The following MYORG variants were observed in gnomAD, a reference collection of about 807,000 sequenced individuals.
The protein encoded by MYORG is alpha-galactosidase MYORG.
A neutral mutation model predicts 49.8 loss-of-function variants in MYORG; 45 were observed. The observed-to-expected ratio is 0.90, with a 90% CI of 0.71 to 1.16. The LOEUF (loss-of-function observed/expected upper bound fraction) is 1.16, where lower values mean the gene tolerates loss of function less well. Among genes scored for constraint, MYORG ranks in the 50% most tolerant of loss-of-function variants. The pLI, the probability that MYORG is intolerant of heterozygous loss-of-function variation, is 0.00. For synonymous variants in MYORG, 552 were observed against 462.9 expected, an observed-to-expected ratio of 1.19 and a Z score of -2.47; for missense variants, 1,110 against 1,026.5, an observed-to-expected ratio of 1.08 and a Z score of -1.11.
chr9:34,371,111 C>T lies in MYORG; in HGVS notation c.1833G>A (p.Arg611=), dbSNP rs752324794. ...VAIAQKFAAL[R]ASLVAPLLLE... is the part of the protein sequence containing the mutation. ...GCAACAGCGGTGCCACAAGCGAGGCCCGCAGGGCGGCGAACTTCTGCGCGA... is the reference window on the plus strand; with the variant it reads ...GCAACAGCGGTGCCACAAGCGAGGCTCGCAGGGCGGCGAACTTCTGCGCGA... The change falls in exon 2 of 2, where the codon CGG becomes CGA. Residue 611 remains arginine (R), a synonymous_variant. Transcript: ENST00000297625. 3.1e-6 allele frequency: 5 copies of T among 1,608,114 alleles called. No homozygotes were observed. Among genetic ancestry groups the T allele is most frequent in the Non-Finnish European group, 4.3e-6 (5 of 1,176,120 alleles).
Position 34,371,086 on chromosome 9 carries a change from G to A in MYORG, c.1858C>T (p.Leu620Phe), listed in dbSNP as rs531813568. The change falls in exon 2 of 2, where the codon CTT (leucine) becomes TTT (phenylalanine). Residue 620 changes from leucine (L) to phenylalanine (F), a missense_variant. Leu to Phe is a conservative substitution (Grantham distance 22). Coordinates refer to ENST00000297625, the MANE Select transcript of MYORG (RefSeq NM_020702.5). ...TCGGTGACCTCGCCCGCCAGCTCAA[G>A]CAACAGCGGTGCCACAAGCGAGGCC... ...LRASLVAPLLLELAGEVTDTG... is the reference protein window; with the variant it reads ...LRASLVAPLLFELAGEVTDTG... The A allele has an allele frequency of 1.6e-5, 26 of 1,609,932 alleles. No individual in the cohort carries two copies. In the East Asian group the frequency reaches 4.0e-4, roughly 25 times the overall value.
intron 1 of MYORG, among the ~76,000 whole-genome samples, chr9:34,373,862 GC>G (rs1199201460): frequency 6.6e-6 from 1 of 152,216 alleles, no homozygotes; most frequent in African/African-American, 2.4e-5. Context: ...TGAGTCAAAA[GC>G]CTGATGAAGT....
In MYORG at chr9:34,371,929, G is replaced by C; in HGVS notation, c.1015C>G (p.Gln339Glu). 7 of 1,614,062 alleles carry C rather than the reference G, an allele frequency of 4.3e-6. No homozygotes were observed. The highest frequency in any genetic ancestry group is 5.9e-6 in the Non-Finnish European group (7 of 1,179,890). Residue 339 changes from glutamine to glutamate, a missense_variant, in exon 2 of 2, where the codon CAG becomes GAG. By Grantham distance (29) the Gln-to-Glu change is conservative. Coordinates refer to ENST00000297625, the MANE Select transcript of MYORG (RefSeq NM_020702.5). ...CTGTTGAAGTGGTGCAGGCGGATCTGTTGGGCAAAACGCAGCACCTTGTCC... is the reference window on the plus strand; with the variant it reads ...CTGTTGAAGTGGTGCAGGCGGATCTCTTGGGCAAAACGCAGCACCTTGTCC... ...DQDKVLRFAQ[Q>E]IRLHHFNSSH...
rs1317177106 is a variant in MYORG at position 34,371,385 on chromosome 9, T to A, written c.1559A>T (p.Asp520Val). ...QNISCFFRLV[D>V]RDSVWGYDLG... ...GTCGTAGCCCCACACAGAGTCGCGA[T>A]CCACCAGGCGGAAGAAGCAGGAGAT... Residue 520 changes from aspartate (D) to valine (V), a missense_variant, in exon 2 of 2, where the codon GAT (aspartate) becomes GTT (valine). Transcript: ENST00000297625. 2 of 1,613,100 alleles carry A rather than the reference T, an allele frequency of 1.2e-6. No individual in the cohort carries two copies. The highest frequency in any genetic ancestry group is 1.7e-6 in the Non-Finnish European group (2 of 1,179,774).
chr9:34,375,514 A>G (rs1157173672), intron 1 of MYORG, among the ~76,000 whole-genome samples: 2 of 152,232 alleles, frequency 1.3e-5, no homozygotes, highest in Non-Finnish European at 2.9e-5. Context: ...AGCTGAGCAG[A>G]ACCCAAAGAA....
In MYORG at chr9:34,371,626, C is replaced by T; in HGVS notation, c.1318G>A (p.Ala440Thr). Residue 440 changes from alanine (A) to threonine (T), a missense_variant, in exon 2 of 2, where the codon GCC becomes ACC. Physicochemically the swap from Ala to Thr is moderately conservative, Grantham distance 58 (BLOSUM62 0). Coordinates refer to ENST00000297625, the MANE Select transcript of MYORG (RefSeq NM_020702.5). The stretch of plus-strand genomic sequence containing the variant: ...AGGTGTCCCTGGAACCAGTCGCGGG[C>T]CTTTGGGTGCGTGAAGTCTAGCACC... ...GAVLDFTHPK[A>T]RDWFQGHLRR... 6.2e-7 allele frequency: 1 copy of T among 1,605,634 alleles called. No homozygotes were observed. The highest frequency in any genetic ancestry group is 8.5e-7 in the Non-Finnish European group (1 of 1,177,514).
Position 34,371,635 on chromosome 9 carries a change from G to C in MYORG, c.1309C>G (p.His437Asp). 1 of 1,606,210 alleles carries C rather than the reference G, an allele frequency of 6.2e-7. No individual in the cohort carries two copies. The change falls in exon 2 of 2, where the codon CAC becomes GAC. Residue 437 changes from histidine to aspartate, a missense_variant. Physicochemically the swap from His to Asp is moderately conservative, Grantham distance 81 (BLOSUM62 -1). Coordinates refer to ENST00000297625, the MANE Select transcript of MYORG (RefSeq NM_020702.5). ...NGIGAVLDFT[H>D]PKARDWFQGH... ...TGGAACCAGTCGCGGGCCTTTGGGTGCGTGAAGTCTAGCACCGCGCCGATG... is the reference window on the plus strand; with the variant it reads ...TGGAACCAGTCGCGGGCCTTTGGGTCCGTGAAGTCTAGCACCGCGCCGATG...
intron 1 of MYORG, among the ~76,000 whole-genome samples, chr9:34,375,645 G>A (rs907373993): frequency 1.2e-4 from 19 of 152,208 alleles, no homozygotes; most frequent in Non-Finnish European, 2.9e-5. Flanking sequence ...AGAGGAGAGA[G>A]ACTTCCTCAT....
chr9:34,371,873 T>C lies in MYORG; in HGVS notation c.1071A>G (p.Thr357=), dbSNP rs1264557260. 5.0e-6 allele frequency: 8 copies of C among 1,614,050 alleles called. No homozygotes were observed. The highest frequency in any genetic ancestry group is 1.7e-4 in the Middle Eastern group (1 of 6,060). Residue 357 remains threonine, a synonymous_variant, in exon 2 of 2, where the codon ACA becomes ACG. Transcript: ENST00000297625. The part of the protein sequence containing the change: ...SSHLEIDDMY[T]PAYGDFDFDE... ...CGAAGTCGAAGTCGCCATAAGCAGG[T>C]GTGTACATGTCGTCGATTTCCAGGT...
In MYORG at chr9:34,369,863, G is replaced by C. The variant is rs898036924; in HGVS notation, c.*936C>G. On this transcript the variant is annotated 3_prime_UTR_variant, in exon 2 of 2. Transcript: ENST00000297625. ...CTTGAAAGGGCTATTTATTTCCTAC[G>C]AGAGTCCTGGGGAAACCGCCTGGGA... 2.6e-5 allele frequency: 4 copies of C among 152,188 alleles called. No individual in the cohort carries two copies. The highest frequency in any genetic ancestry group is 7.2e-5 in the African/African-American group (3 of 41,424). 9.4% of individuals were successfully genotyped at this position (152,188 alleles called of 1,614,324 possible).
At chr9:34,373,701 C>T (rs547473557) in intron 1 of MYORG, among the ~76,000 whole-genome samples, 82 of 152,352 alleles carry the variant, frequency 5.4e-4, no homozygotes, top group African/African-American at 1.9e-3. Context: ...GATCCACCTG[C>T]CTCAGCCTCC....
rs999423389 is a variant in MYORG, at chr9:34,368,180, G to A, written c.*2619C>T. On this transcript the variant is annotated 3_prime_UTR_variant, in exon 2 of 2. Coordinates refer to ENST00000297625, the MANE Select transcript of MYORG (RefSeq NM_020702.5). ...CAAGTCCCTGGGCTGCACACAGCAA[G>A]GGGACCTTGGGCCTGGCCCACAAAA... is the stretch of plus-strand genomic sequence containing the variant. 3 of 152,290 alleles carry A rather than the reference G, an allele frequency of 2.0e-5. No homozygotes were observed. The highest frequency in any genetic ancestry group is 4.8e-5 in the African/African-American group (2 of 41,474). 9.4% of individuals were successfully genotyped at this position (152,290 alleles called of 1,614,324 possible). A position where few individuals can be genotyped will look rare whatever the true frequency, so the allele number is the denominator to read the frequency against.
chr9:34,370,850 G>C lies in MYORG; in HGVS notation c.2094C>G (p.Thr698=). Residue 698 remains threonine (T), a synonymous_variant, in exon 2 of 2, where the codon ACC becomes ACG. Coordinates refer to ENST00000297625, the MANE Select transcript of MYORG (RefSeq NM_020702.5). ...ELFDKTPVLL[T]DYPVDLDEIA... is the part of the protein sequence containing the mutation. The stretch of plus-strand genomic sequence containing the variant: ...TCTCATCCAGGTCGACCGGGTAATC[G>C]GTGAGCAGCACCGGCGTCTTGTCGA... 2.5e-6 allele frequency: 4 copies of C among 1,602,000 alleles called. No homozygotes were observed. Among genetic ancestry groups the C allele is most frequent in the Non-Finnish European group, 3.4e-6 (4 of 1,170,236 alleles).
chr9:34,372,686 C>A lies in MYORG; in HGVS notation c.258G>T (p.Glu86Asp). 1 of 1,610,466 alleles carries A rather than the reference C, an allele frequency of 6.2e-7. No individual in the cohort carries two copies. Among genetic ancestry groups the A allele is most frequent in the Non-Finnish European group, 8.5e-7 (1 of 1,178,466 alleles). ...GGTCCAGCAGCTCCGCGCGAAGTCG[C>A]TCCGCCTTGCGTAGGGAGACGCTGT... The part of the protein sequence containing the change: ...CYYSVSLRKA[E>D]RLRAELLDLK... Residue 86 changes from glutamate to aspartate, a missense_variant, in exon 2 of 2, where the codon GAG (glutamate) becomes GAT (aspartate). By Grantham distance (45) the Glu-to-Asp change is conservative. Transcript: ENST00000297625.
Position 34,372,876 on chromosome 9 carries a change from T to A in MYORG, c.68A>T (p.Tyr23Phe), listed in dbSNP as rs1447694883. Residue 23 changes from tyrosine to phenylalanine, a missense_variant, in exon 2 of 2, where the codon TAC becomes TTC. By Grantham distance (22) the Tyr-to-Phe change is conservative (BLOSUM62 3). Transcript: ENST00000297625. ...PRRRRPGCYA[Y>F]RQNPEAIAAA... Reference sequence around the variant, plus strand: ...TGCGATGGCCTCGGGGTTCTGACGGTATGCGTAGCAGCCAGGCCGGCGGCG... The same window carrying A: ...TGCGATGGCCTCGGGGTTCTGACGGAATGCGTAGCAGCCAGGCCGGCGGCG... 3.7e-6 allele frequency: 6 copies of A among 1,613,816 alleles called. No individual in the cohort carries two copies. In the African/African-American group the frequency reaches 8.0e-5, roughly 22 times the overall value.
rs1022374437 is a variant in MYORG, at chr9:34,376,604, G to C, written c.-64+189C>G. Among the ~76,000 whole-genome samples, 22 of 152,282 alleles carry C rather than the reference G, an allele frequency of 1.4e-4. No individual in the cohort carries two copies. The highest frequency in any genetic ancestry group is 5.3e-4 in the African/African-American group (22 of 41,572). The stretch of plus-strand genomic sequence containing the variant: ...ACTCCACAGCCGCCCTCCCTACCCC[G>C]CCCTGAAGGCTATACTGTCCGAAGG... On this transcript the variant is annotated intron_variant, in intron 1 of 1. Transcript: ENST00000297625. This position sits in a 1 kb window ranked among gnomAD's most constrained non-coding sequence, Gnocchi z 4.4.
chr9:34,373,146 C>T (rs943708271), intron 1 of MYORG, 140 bp from the exon 2 acceptor site: 11 of 638,730 alleles, frequency 1.7e-5, no homozygotes, highest in African/African-American at 1.5e-4. Flanking sequence ...AAAGGTGAGA[C>T]CCTTACCAGG....
chr9:34,372,616 C>T lies in MYORG; in HGVS notation c.328G>A (p.Val110Ile). ...FSIRNQKGEQVFRLAFRSGAL... is the reference protein window; with the variant it reads ...FSIRNQKGEQIFRLAFRSGAL... The stretch of plus-strand genomic sequence containing the variant: ...CCGGAGCGGAAGGCCAGGCGGAAGA[C>T]CTGCTCTCCCTTCTGATTGCGGATG... The change falls in exon 2 of 2, where the codon GTC becomes ATC. Residue 110 changes from valine (V) to isoleucine (I), a missense_variant. By Grantham distance (29) the Val-to-Ile change is conservative (BLOSUM62 3). Transcript: ENST00000297625. 1.2e-6 allele frequency: 2 copies of T among 1,605,422 alleles called. No homozygotes were observed. The highest frequency in any genetic ancestry group is 1.3e-5 in the African/African-American group (1 of 74,952).
rs751147181 is a variant in MYORG at position 34,371,192 on chromosome 9, C to G, written c.1752G>C (p.Met584Ile). 2 of 1,610,348 alleles carry G rather than the reference C, an allele frequency of 1.2e-6. No individual in the cohort carries two copies. The highest frequency in any genetic ancestry group is 2.7e-5 in the African/African-American group (2 of 74,878). Reference protein sequence around the residue: ...YIRWLEVAAFMPAMQFSIPPW... With the variant: ...YIRWLEVAAFIPAMQFSIPPW... ...GCGGGATAGAGAACTGCATGGCCGG[C>G]ATAAAGGCGGCCACTTCCAGCCAGC... The change falls in exon 2 of 2, where the codon ATG becomes ATC. Residue 584 changes from methionine to isoleucine, a missense_variant. Met to Ile is a conservative substitution (Grantham distance 10). Transcript: ENST00000297625.
Sources: allele counts gnomAD v4.1 joint callset (sites outside exome capture counted in the v4.1 genomes callset), GRCh38; gene constraint gnomAD v4.1.1; non-coding constraint Gnocchi (gnomAD v3.1); transcripts MANE v1.5; gene names NCBI Gene and HGNC (gene_info 2026-07-23, HGNC 2026-07-21).